MYRFL: variants seen among roughly 807,000 people sequenced by gnomAD.
The protein encoded by MYRFL is myelin regulatory factor-like protein.
In MYRFL, 88 loss-of-function variants were observed where a neutral mutation model predicts 109.4. The observed-to-expected ratio is 0.80, with a 90% CI of 0.68 to 0.96. The LOEUF is 0.96. Ranked by LOEUF, MYRFL falls within the 40% of genes least tolerant of loss-of-function variation. MYRFL has a pLI of 0.00. For synonymous variants in MYRFL, 324 were observed against 320.9 expected, an observed-to-expected ratio of 1.01 and a Z score of -0.10; for missense variants, 957 against 954.9, an observed-to-expected ratio of 1.00 and a Z score of -0.03.
intron 10 of MYRFL, among the ~76,000 whole-genome samples, chr12:69,899,606 T>C (rs1313797112): frequency 6.6e-6 from 1 of 152,218 alleles, no homozygotes; most frequent in Non-Finnish European, 1.5e-5. Context: ...TCCAGACTTG[T>C]TCTGTGGCCT....
chr12:69,840,522 T>C (rs1883185722), intron 1 of MYRFL, among the ~76,000 whole-genome samples: 1 of 152,230 alleles, frequency 6.6e-6, no homozygotes. Flanking sequence ...TGTTCCTGCC[T>C]GTTGACTTCC....
chr12:69,857,436 G>C (rs74101350), intron 2 of MYRFL, among the ~76,000 whole-genome samples: 3,209 of 151,744 alleles, frequency 0.021, 112 homozygotes, highest in African/African-American at 0.073. Flanking sequence ...CAATTCTTCT[G>C]GGATTTTGAT....
chr12:69,939,854 T>C (rs1955587951), intron 19 of MYRFL, among the ~76,000 whole-genome samples: 1 of 152,044 alleles, frequency 6.6e-6, no homozygotes, highest in South Asian at 2.1e-4. Flanking sequence ...TTAAAGGAGC[T>C]GATGGAGCTG....
At chr12:69,832,983 TG>T (rs1882728282) in intron 1 of MYRFL, among the ~76,000 whole-genome samples, 1 of 126,094 alleles carries the variant, frequency 7.9e-6, no homozygotes, top group Admixed American at 8.0e-5. Flanking sequence ...TGTGTGTGTG[TG>T]TGTAATTAAG....
chr12:69,907,997 C>A (rs1954425782), intron 11 of MYRFL, among the ~76,000 whole-genome samples: 1 of 152,068 alleles, frequency 6.6e-6, no homozygotes, highest in Non-Finnish European at 1.5e-5. Flanking sequence ...TCCAGTAATG[C>A]CAAATTCTGC....
chr12:69,891,543 G>A (rs1886803478), intron 7 of MYRFL, among the ~76,000 whole-genome samples: 1 of 137,542 alleles, frequency 7.3e-6, no homozygotes, highest in African/African-American at 2.6e-5. Flanking sequence ...TGCAAGACAA[G>A]TTAAGTGAAA....
At chr12:69,856,544 A>G (rs893757736) in intron 2 of MYRFL, among the ~76,000 whole-genome samples, 4 of 152,014 alleles carry the variant, frequency 2.6e-5, no homozygotes, top group Admixed American at 6.5e-5. Context: ...GCTTCTCTTC[A>G]TTGCCAATTC....
chr12:69,957,597 A>G (rs1956123943), intron 22 of MYRFL, among the ~76,000 whole-genome samples: 1 of 152,186 alleles, frequency 6.6e-6, no homozygotes, highest in Non-Finnish European at 1.5e-5. Flanking sequence ...AGAAACCATC[A>G]TATACTATTT....
intron 5 of MYRFL, among the ~76,000 whole-genome samples, chr12:69,886,473 T>A (rs529743256): frequency 1.3e-5 from 2 of 152,168 alleles, no homozygotes; most frequent in East Asian, 3.9e-4. Flanking sequence ...TGCTGTACTT[T>A]GGTTGATTGA....
chr12:69,936,089 T>TTG, intron 16 of MYRFL, 24 bp from the exon 17 acceptor site: 5 of 1,361,050 alleles, frequency 3.7e-6, no homozygotes, highest in African/African-American at 3.1e-5. Context: ...TTTTTTTTTT[T>TTG]TTTTTTTTTT....
chr12:69,947,502 T>C (rs1461300972), intron 19 of MYRFL, among the ~76,000 whole-genome samples: 2 of 152,218 alleles, frequency 1.3e-5, no homozygotes, highest in Non-Finnish European at 2.9e-5. Context: ...TTTGGAATAT[T>C]GAGCTTCTAC....
At position 69,853,446 on chromosome 12, in the gene MYRFL, T is replaced by C. The variant is rs190692788; in HGVS notation, c.47-1834T>C. On this transcript the variant is annotated intron_variant, in intron 1 of 24. Coordinates refer to ENST00000552032, the MANE Select transcript of MYRFL (RefSeq NM_182530.3). ...CCTCACCTCCCAGACGGGGTGGTGG[T>C]CGGGCAGAGACACTCCTCAGTTCCC... Among the ~76,000 whole-genome samples, 17 of 127,642 alleles carry C rather than the reference T, an allele frequency of 1.3e-4. No individual in the cohort carries two copies. In the East Asian group the frequency reaches 3.3e-3, roughly 25 times the overall value. 83.7% of individuals were successfully genotyped at this position (127,642 alleles called of 152,430 possible).
intron 1 of MYRFL, among the ~76,000 whole-genome samples, chr12:69,831,268 TC>T (rs1373308241): frequency 3.9e-5 from 6 of 152,156 alleles, no homozygotes; most frequent in Non-Finnish European, 7.4e-5. Context: ...TGTAACATAC[TC>T]TTTTACATAT....
chr12:69,883,205 T>C (rs1441610369), intron 5 of MYRFL, among the ~76,000 whole-genome samples: 1 of 152,230 alleles, frequency 6.6e-6, no homozygotes, highest in Non-Finnish European at 1.5e-5. Context: ...GGGCAAGTTA[T>C]TTCAGGTCTT....
At chr12:69,958,068 G>GAAGT in intron 23 of MYRFL, 126 bp downstream of exon 23, 1 of 1,369,616 alleles carries the variant, frequency 7.3e-7, no homozygotes, top group East Asian at 2.5e-5. Context: ...GTGTCCTTAT[G>GAAGT]AAGTTGCCTT....
At chr12:69,870,745 A>G (rs936971094) in intron 2 of MYRFL, among the ~76,000 whole-genome samples, 3 of 152,202 alleles carry the variant, frequency 2.0e-5, no homozygotes, top group South Asian at 2.1e-4. Flanking sequence ...GAAATAAAGG[A>G]GTAGCTGTGG....
rs1955130945 is a variant in MYRFL, at chr12:69,927,409, CT to C, written c.1767-275del. Among the ~76,000 whole-genome samples the C allele has an allele frequency of 4.6e-5, 6 of 129,974 alleles. 1 individual carries two copies. In the South Asian group the frequency reaches 2.0e-3, roughly 43 times the overall value. 85.3% of individuals were successfully genotyped at this position (129,974 alleles called of 152,430 possible). Reference sequence around the variant, plus strand: ...GTTTGGTCCTCAGGGGGAAAACTTTCTGTTATTTTTTTTTTAATTGCTTAAG... The same window carrying C: ...GTTTGGTCCTCAGGGGGAAAACTTTCGTTATTTTTTTTTTAATTGCTTAAG... On this transcript the variant is annotated intron_variant, in intron 14 of 24. Coordinates refer to ENST00000552032, the MANE Select transcript of MYRFL (RefSeq NM_182530.3).
chr12:69,891,629 TC>T (rs1886849680), intron 7 of MYRFL, among the ~76,000 whole-genome samples: 5 of 27,782 alleles, frequency 1.8e-4, no homozygotes, highest in African/African-American at 7.4e-4. Context: ...CTTTCCTCCT[TC>T]CTTTCTTTTT....
chr12:69,831,268 T>C (rs1882614554), intron 1 of MYRFL, among the ~76,000 whole-genome samples: 2 of 152,156 alleles, frequency 1.3e-5, no homozygotes, highest in African/African-American at 2.4e-5. Context: ...TGTAACATAC[T>C]CTTTTACATA....
Sources: gnomAD v4.1 joint callset for allele counts (sites outside exome capture counted in the v4.1 genomes callset) on GRCh38, gnomAD v4.1.1 for gene constraint, MANE v1.5 for transcripts, NCBI Gene and HGNC (gene_info 2026-07-23, HGNC 2026-07-21) for gene names.